The following ABCC2 variants were observed in gnomAD, a reference collection of about 807,000 sequenced individuals.
The protein encoded by ABCC2 is ATP binding cassette subfamily C member 2, also known as ATP-binding cassette sub-family C member 2.
ABCC2 carries 157 observed loss-of-function variants against 173.4 expected under a neutral mutation model. That is an observed-to-expected ratio of 0.91 (90% CI 0.80 to 1.03). ABCC2 has a LOEUF of 1.03. Ranked by LOEUF, ABCC2 falls within the 50% of genes least tolerant of loss-of-function variation. The probability of loss-of-function intolerance (pLI) is 0.00; values close to 1 mark genes in which losing one functional copy is unlikely to be tolerated. For synonymous variants in ABCC2, 657 were observed against 693.5 expected (o/e 0.95, Z 0.83); for missense variants, 1,822 against 1,852.3 (o/e 0.98, Z 0.30).
chr10:99,842,995 G>C (rs3780881), intron 26 of ABCC2, among the ~76,000 whole-genome samples: 1 of 151,740 alleles, frequency 6.6e-6, no homozygotes, highest in African/African-American at 2.4e-5. Context: ...AGAGGTTGTA[G>C]TGAGCCAAGA....
intron 13 of ABCC2, among the ~76,000 whole-genome samples, chr10:99,809,614 T>C (rs2756113): frequency 0.95 from 145,450 of 152,310 alleles, 69,472 homozygotes; most frequent in East Asian, 1. Context: ...CGAAATCTTC[T>C]CAAGTTCTCA....
In ABCC2 at chr10:99,814,598, C is replaced by CACATGTGTATAT. The variant is rs1343263794; in HGVS notation, c.2094+1457_2094+1458insTGTGTATATACA. ...ACATATGTGTATATACACATATACACACACATATGTGTATATACACATATA... is the reference window on the plus strand; with the variant it reads ...ACATATGTGTATATACACATATACACACATGTGTATATACACATATGTGTATATACACATATA... On this transcript the variant is annotated intron_variant, in intron 16 of 31. Coordinates refer to ENST00000647814, the MANE Select transcript of ABCC2 (RefSeq NM_000392.5). 5.1e-3 allele frequency among the ~76,000 whole-genome samples: 553 copies of CACATGTGTATAT among 108,332 alleles called. 72 individuals carry two copies. The highest frequency in any genetic ancestry group is 6.6e-3 in the Admixed American group (73 of 11,082). The allele number at this position is 108,332 out of a possible 152,430, so 71.1% of individuals were successfully genotyped here.
At position 99,793,678 on chromosome 10, in the gene ABCC2, T is replaced by A. The variant is rs140841926; in HGVS notation, c.461T>A (p.Leu154His). 10 of 1,613,936 alleles carry A rather than the reference T, an allele frequency of 6.2e-6. No homozygotes were observed. In the African/African-American group the frequency reaches 1.3e-4, roughly 22 times the overall value. ...TFQFQTLIRTLLQGDNSNLAY... is the reference protein window; with the variant it reads ...TFQFQTLIRTHLQGDNSNLAY... ...CAATTTCAGACTCTGATCCGGACAC[T>A]CTTACAGGTAAGGAAAAAAAGAGTG... Residue 154 changes from leucine (L) to histidine (H), a missense_variant, in exon 4 of 32, where the codon CTC (leucine) becomes CAC (histidine). Transcript: ENST00000647814.
chr10:99,844,931 T>G (rs551250355), intron 28 of ABCC2, among the ~76,000 whole-genome samples: 1 of 152,376 alleles, frequency 6.6e-6, no homozygotes, highest in African/African-American at 2.4e-5. Flanking sequence ...GCAAGGACGC[T>G]GAGGTCCAGA....
At chr10:99,812,961 A>G in intron 15 of ABCC2, 57 bp from the exon 16 acceptor site, 1 of 1,603,946 alleles carries the variant, frequency 6.2e-7, no homozygotes, top group Admixed American at 1.7e-5. Context: ...AGTGACTTGA[A>G]CTACTCTTCA....
chr10:99,808,323 C>T (rs1159905198), intron 13 of ABCC2, 94 bp downstream of exon 13: 2 of 1,513,764 alleles, frequency 1.3e-6, no homozygotes, highest in Non-Finnish European at 1.8e-6. Flanking sequence ...CTAACTTTTG[C>T]TGGTAAACTT....
At chr10:99,839,086 G>A (rs2038883048) in intron 25 of ABCC2, among the ~76,000 whole-genome samples, 5 of 142,502 alleles carry the variant, frequency 3.5e-5, no homozygotes, top group Admixed American at 2.1e-4. Context: ...GGGCAGGGGG[G>A]CAGACCCCCC....
rs767403433 is a variant in ABCC2 at position 99,831,597 on chromosome 10, T to C, written c.2884-14T>C. The C allele has an allele frequency of 1.6e-5, 25 of 1,611,410 alleles. No individual in the cohort carries two copies. Among genetic ancestry groups the C allele is most frequent in the Non-Finnish European group, 1.8e-5 (21 of 1,177,622 alleles). Reference sequence around the variant, plus strand: ...TTAGGGAGTTCTACTAATATTGAGGTGGGGACTTTGCAGGTGAAGTTCTCC... The same window carrying C: ...TTAGGGAGTTCTACTAATATTGAGGCGGGGACTTTGCAGGTGAAGTTCTCC... On this transcript the variant is annotated splice_polypyrimidine_tract_variant and intron_variant, in intron 21 of 31. Transcript: ENST00000647814.
intron 9 of ABCC2, among the ~76,000 whole-genome samples, chr10:99,802,109 C>T (rs1189055173): frequency 6.7e-6 from 1 of 149,236 alleles, no homozygotes. Context: ...TGTGATTATT[C>T]ATTCGCACTA....
chr10:99,784,423 T>A (rs1235551190), intron 1 of ABCC2, among the ~76,000 whole-genome samples, 185 bp from the exon 2 acceptor site: 2 of 152,154 alleles, frequency 1.3e-5, no homozygotes, highest in East Asian at 3.8e-4. Flanking sequence ...AGTGACTACA[T>A]TTGTCATTAA....
At chr10:99,796,787 G>GC (rs1368011325) in intron 6 of ABCC2, among the ~76,000 whole-genome samples, 1 of 152,198 alleles carries the variant, frequency 6.6e-6, no homozygotes, top group Non-Finnish European at 1.5e-5. Context: ...CATCAAGGAG[G>GC]CCCCCAAGGA....
chr10:99,817,175 T>C, intron 16 of ABCC2, 133 bp from the exon 17 acceptor site: 1 of 789,432 alleles, frequency 1.3e-6, no homozygotes, highest in East Asian at 2.7e-5. Flanking sequence ...ACATATCAGA[T>C]CCTCAGTCAT....
At chr10:99,845,071 C>T (rs567372933) in intron 28 of ABCC2, among the ~76,000 whole-genome samples, 1 of 151,856 alleles carries the variant, frequency 6.6e-6, no homozygotes, top group South Asian at 2.1e-4. Flanking sequence ...ACTCTATCAC[C>T]CAGGCTGGAG....
chr10:99,827,583 G>A (rs997967173), intron 19 of ABCC2, among the ~76,000 whole-genome samples: 2 of 151,796 alleles, frequency 1.3e-5, no homozygotes, highest in Non-Finnish European at 2.9e-5. Context: ...TACTATAAGT[G>A]GAATGATATT....
At chr10:99,828,826 C>T (rs1170003463) in intron 19 of ABCC2, among the ~76,000 whole-genome samples, 1 of 151,952 alleles carries the variant, frequency 6.6e-6, no homozygotes, top group Non-Finnish European at 1.5e-5. Flanking sequence ...TACATCTCTG[C>T]CTTAGCCTTC....
chr10:99,793,479 C>G, intron 3 of ABCC2, 72 bp from the exon 4 acceptor site: 1 of 1,600,350 alleles, frequency 6.2e-7, no homozygotes, highest in Non-Finnish European at 8.6e-7. Flanking sequence ...CCCATGTTCT[C>G]TGACATCCTT....
chr10:99,830,465 C>T (rs2038719498), intron 20 of ABCC2, 32 bp downstream of exon 20: 1 of 1,614,096 alleles, frequency 6.2e-7, no homozygotes, highest in African/African-American at 1.3e-5. Flanking sequence ...CAGCCCTCGT[C>T]AGCTCTATAT....
At chr10:99,794,509 T>A in intron 6 of ABCC2, 41 bp downstream of exon 6, 1 of 1,533,810 alleles carries the variant, frequency 6.5e-7, no homozygotes, top group Non-Finnish European at 9.0e-7. Flanking sequence ...ATCCTTACTC[T>A]CTCACTCCTC....
chr10:99,836,359 G>A, intron 25 of ABCC2, 69 bp downstream of exon 25: 6 of 1,516,068 alleles, frequency 4.0e-6, no homozygotes, highest in Non-Finnish European at 5.5e-6. Context: ...ATTAGCGGTG[G>A]GAGGGCAGGC....
Sources: allele counts gnomAD v4.1 joint callset (sites outside exome capture counted in the v4.1 genomes callset), GRCh38; gene constraint gnomAD v4.1.1; transcripts MANE v1.5; gene names NCBI Gene and HGNC (gene_info 2026-07-23, HGNC 2026-07-21).